Variants in GRIA4 observed in about 807,000 individuals in gnomAD.
GRIA4 encodes the protein glutamate receptor 4.
GRIA4 carries 34 observed loss-of-function variants against 104.0 expected under a neutral mutation model. The ratio of observed to expected loss-of-function variants is 0.33; its 90% CI spans 0.25 to 0.44. GRIA4 has a LOEUF of 0.44. GRIA4 is among the 20% of genes least tolerant of loss of function. The probability of loss-of-function intolerance (pLI) is 1.00; values close to 1 mark genes in which losing one functional copy is unlikely to be tolerated. For synonymous variants in GRIA4, 386 were observed against 381.9 expected (o/e 1.01, Z -0.13); for missense variants, 750 against 1,096.5 (o/e 0.68, Z 4.46).
At chr11:105,612,129 G>A in intron 2 of GRIA4, 147 bp from the exon 3 acceptor site, 1 of 682,840 alleles carries the variant, frequency 1.5e-6, no homozygotes, top group East Asian at 2.7e-5. Flanking sequence ...TGCACCTTAG[G>A]GACAAAGGGC....
rs184797757 is a variant in GRIA4 at position 105,690,083 on chromosome 11, C to T, written c.248-62898C>T. Among the ~76,000 whole-genome samples, 180 of 152,222 alleles carry T rather than the reference C, an allele frequency of 1.2e-3. 1 individual carries two copies. The highest frequency in any genetic ancestry group is 3.4e-3 in the Middle Eastern group (1 of 294). ...CCAAGAATCATTTGATTTCATTTTC[C>T]CTTAGTGTCTATACTTACATCTTTT... On this transcript the variant is annotated intron_variant, in intron 3 of 16. Coordinates refer to ENST00000282499, the MANE Select transcript of GRIA4 (RefSeq NM_000829.4).
intron 4 of GRIA4, among the ~76,000 whole-genome samples, chr11:105,821,509 G>A (rs915287822): frequency 1.3e-5 from 2 of 151,832 alleles, no homozygotes; most frequent in African/African-American, 2.4e-5. Flanking sequence ...AGGGAGAGCC[G>A]GTGTCTCACA....
chr11:105,918,996 A>G, intron 11 of GRIA4, 78 bp downstream of exon 11: 1 of 839,580 alleles, frequency 1.2e-6, no homozygotes, highest in East Asian at 2.5e-5. Context: ...AACAATTTTT[A>G]AACGTCTATT....
intron 3 of GRIA4, among the ~76,000 whole-genome samples, chr11:105,729,658 C>A (rs1938458837): frequency 6.6e-6 from 1 of 152,160 alleles, no homozygotes. Context: ...AGCTTATCCA[C>A]CTGGATCAAG....
chr11:105,755,938 T>G (rs1940286211), intron 4 of GRIA4, among the ~76,000 whole-genome samples: 1 of 152,178 alleles, frequency 6.6e-6, no homozygotes, highest in African/African-American at 2.4e-5. Flanking sequence ...CGTCATTGCC[T>G]CCTCTGGTTC....
At chr11:105,667,064 A>G (rs1049050324) in intron 3 of GRIA4, among the ~76,000 whole-genome samples, 19 of 152,056 alleles carry the variant, frequency 1.2e-4, no homozygotes, top group African/African-American at 4.6e-4. Context: ...AAATCACAAC[A>G]TAACTACACA....
intron 4 of GRIA4, among the ~76,000 whole-genome samples, chr11:105,764,894 A>G (rs1005249404): frequency 2.0e-5 from 3 of 152,164 alleles, no homozygotes; most frequent in Admixed American, 6.6e-5. Context: ...GTCTAAAAAC[A>G]TGGGAACAAG....
chr11:105,658,440 C>T (rs1951908147), intron 3 of GRIA4, among the ~76,000 whole-genome samples: 1 of 151,428 alleles, frequency 6.6e-6, no homozygotes, highest in Non-Finnish European at 1.5e-5. Flanking sequence ...TAATATATTG[C>T]ATCATAAAAG....
intron 14 of GRIA4, among the ~76,000 whole-genome samples, chr11:105,948,604 T>TG (rs1948384949): frequency 2.8e-5 from 4 of 141,178 alleles, no homozygotes; most frequent in Non-Finnish European, 4.6e-5. Context: ...TGTTTTTTTT[T>TG]TTTTTTTTTT....
intron 5 of GRIA4, among the ~76,000 whole-genome samples, chr11:105,864,924 A>G (rs1335350326): frequency 6.6e-6 from 1 of 152,218 alleles, no homozygotes; most frequent in Non-Finnish European, 1.5e-5. Flanking sequence ...GTAGCATGCC[A>G]TCAATAATTA....
At chr11:105,892,400 T>A (rs1176409776) in intron 6 of GRIA4, among the ~76,000 whole-genome samples, 5 of 152,144 alleles carry the variant, frequency 3.3e-5, no homozygotes, top group Admixed American at 1.3e-4. Flanking sequence ...TAAAAAGATA[T>A]AAAATTACAA....
At chr11:105,893,681 C>T (rs894860453) in intron 6 of GRIA4, among the ~76,000 whole-genome samples, 5 of 152,188 alleles carry the variant, frequency 3.3e-5, no homozygotes, top group African/African-American at 9.6e-5. Context: ...CTTTATGCTG[C>T]AGCTGTGGAT....
chr11:105,740,542 T>C (rs1476902944), intron 3 of GRIA4, among the ~76,000 whole-genome samples: 3 of 152,226 alleles, frequency 2.0e-5, no homozygotes, highest in African/African-American at 7.2e-5. Flanking sequence ...CTTCTTCTTG[T>C]GGAACGTGTA....
chr11:105,904,199 T>C (rs918288015), intron 8 of GRIA4, among the ~76,000 whole-genome samples: 4 of 152,212 alleles, frequency 2.6e-5, no homozygotes, highest in Non-Finnish European at 5.9e-5. Flanking sequence ...CTAGGTTATG[T>C]TGCAGTAATA....
intron 3 of GRIA4, among the ~76,000 whole-genome samples, chr11:105,662,656 G>A (rs1413771522): frequency 6.6e-6 from 1 of 151,926 alleles, no homozygotes; most frequent in Non-Finnish European, 1.5e-5. Context: ...TCATTCTGAA[G>A]TGAAACTTTG....
chr11:105,738,506 A>G (rs951891636), intron 3 of GRIA4, among the ~76,000 whole-genome samples: 19 of 152,330 alleles, frequency 1.2e-4, no homozygotes, highest in Admixed American at 4.6e-4. Flanking sequence ...TGGATCCAAA[A>G]TAAGTGATGA....
chr11:105,928,429 T>G (rs1007544029), intron 13 of GRIA4, among the ~76,000 whole-genome samples: 1 of 151,588 alleles, frequency 6.6e-6, no homozygotes, highest in African/African-American at 2.4e-5. Flanking sequence ...TTAAACAAAC[T>G]TTTTTTAACT....
intron 3 of GRIA4, among the ~76,000 whole-genome samples, chr11:105,678,788 G>A (rs1302612317): frequency 6.6e-6 from 1 of 151,886 alleles, no homozygotes; most frequent in Non-Finnish European, 1.5e-5. Flanking sequence ...ATACCATTAA[G>A]GTAAAAGTAT....
intron 14 of GRIA4, among the ~76,000 whole-genome samples, chr11:105,951,194 A>G (rs1416688280): frequency 6.6e-6 from 1 of 152,228 alleles, no homozygotes; most frequent in Non-Finnish European, 1.5e-5. Flanking sequence ...AAATCACATA[A>G]GGAGATGAAG....
Sources: gnomAD v4.1 joint callset for allele counts (sites outside exome capture counted in the v4.1 genomes callset) on GRCh38, gnomAD v4.1.1 for gene constraint, MANE v1.5 for transcripts, NCBI Gene and HGNC (gene_info 2026-07-23, HGNC 2026-07-21) for gene names.